The following PCDH15 variants were observed in gnomAD, a reference collection of about 807,000 sequenced individuals.
PCDH15 encodes protocadherin-15.
In PCDH15, 129 loss-of-function variants were observed where a neutral mutation model predicts 178.5. That is an observed-to-expected ratio of 0.72 (90% CI 0.63 to 0.84). The LOEUF (loss-of-function observed/expected upper bound fraction) is 0.84. Ranked by LOEUF, PCDH15 falls within the 40% of genes least tolerant of loss-of-function variation. The pLI is 0.00. For missense variants in PCDH15, 2,230 were observed against 2,099.9 expected (o/e 1.06, Z -1.21); for synonymous variants, 800 against 732.0 (o/e 1.09, Z -1.50).
At chr10:54,272,855 T>A (rs2058127196) in intron 8 of PCDH15, among the ~76,000 whole-genome samples, 1 of 152,158 alleles carries the variant, frequency 6.6e-6, no homozygotes, top group African/African-American at 2.4e-5. Flanking sequence ...CATTTTTAAA[T>A]GTAAAATGTT....
At chr10:54,261,690 A>G (rs1187845563) in intron 8 of PCDH15, among the ~76,000 whole-genome samples, 1 of 74,428 alleles carries the variant, frequency 1.3e-5, no homozygotes, top group African/African-American at 4.4e-5. Context: ...TCTATTTTTT[A>G]TAATATAAAG....
intron 2 of PCDH15, among the ~76,000 whole-genome samples, chr10:55,564,863 TATAA>T (rs997508637): frequency 6.6e-6 from 1 of 151,682 alleles, no homozygotes; most frequent in African/African-American, 2.4e-5. Flanking sequence ...GAAATTTTGA[TATAA>T]ATGAAGGAAA....
At chr10:54,401,997 G>T (rs918347377) in intron 3 of PCDH15, among the ~76,000 whole-genome samples, 1 of 151,660 alleles carries the variant, frequency 6.6e-6, no homozygotes. Context: ...AATACTTAAT[G>T]AATTTATTTA....
At chr10:54,995,391 CA>C (rs10631856) in intron 2 of PCDH15, among the ~76,000 whole-genome samples, 75,510 of 125,398 alleles carry the variant, frequency 0.6, 22,678 homozygotes, top group Middle Eastern at 0.73. Context: ...GACTCCGTCT[CA>C]AAAAAAAAAA....
intron 2 of PCDH15, among the ~76,000 whole-genome samples, chr10:55,166,172 A>G (rs534734474): frequency 6.6e-6 from 1 of 152,214 alleles, no homozygotes; most frequent in African/African-American, 2.4e-5. Flanking sequence ...ACAAAGTTCA[A>G]AAAGAGCCAT....
intron 2 of PCDH15, among the ~76,000 whole-genome samples, chr10:55,334,242 ATG>A (rs1208145029): frequency 0.023 from 1,651 of 72,034 alleles, 35 homozygotes; most frequent in East Asian, 0.039. Context: ...ATATATATAT[ATG>A]TGTGTGTGTG....
At chr10:54,066,966 T>A in intron 17 of PCDH15, 81 bp from the exon 18 acceptor site, 1 of 1,407,536 alleles carries the variant, frequency 7.1e-7, no homozygotes, top group Non-Finnish European at 1.0e-6. Context: ...CTGGCATTTG[T>A]CTATCTGAAA....
At chr10:55,520,060 A>T (rs1565217516) in intron 2 of PCDH15, among the ~76,000 whole-genome samples, 1 of 145,728 alleles carries the variant, frequency 6.9e-6, no homozygotes, top group Non-Finnish European at 1.5e-5. Context: ...ATATATATAC[A>T]TATATATGGC....
intron 35 of PCDH15, among the ~76,000 whole-genome samples, chr10:53,814,294 C>G (rs564644199): frequency 2.8e-4 from 42 of 152,132 alleles, no homozygotes; most frequent in Middle Eastern, 3.4e-3. Flanking sequence ...TAGTAAGAAA[C>G]ACGAAATAAA....
chr10:54,086,028 A>AT (rs780286489), intron 16 of PCDH15, among the ~76,000 whole-genome samples: 1 of 152,080 alleles, frequency 6.6e-6, no homozygotes, highest in South Asian at 2.1e-4. Context: ...AACATTGTTT[A>AT]TTTTTTTAGC....
intron 21 of PCDH15, among the ~76,000 whole-genome samples, chr10:53,964,463 A>ATTTTTATAAAATTTTATTTATTCATAAAT (rs1564876732): frequency 2.8e-4 from 41 of 147,736 alleles, no homozygotes; most frequent in African/African-American, 9.8e-4. Flanking sequence ...TATTCATAAA[A>ATTTTTATAAAATTTTATTTATTCATAAAT]TTTTTATAAA....
At chr10:54,689,720 T>C (rs539361406) in intron 1 of PCDH15, among the ~76,000 whole-genome samples, 2 of 152,210 alleles carry the variant, frequency 1.3e-5, no homozygotes, top group Non-Finnish European at 2.9e-5. Flanking sequence ...CAGAAGGCAG[T>C]GAAGACATGA....
At chr10:55,573,026 T>C (rs1453018196) in intron 2 of PCDH15, among the ~76,000 whole-genome samples, 1 of 151,978 alleles carries the variant, frequency 6.6e-6, no homozygotes, top group Non-Finnish European at 1.5e-5. Context: ...TATTAGACAA[T>C]GTGACAAGAA....
intron 2 of PCDH15, among the ~76,000 whole-genome samples, chr10:55,371,206 A>C (rs1393485309): frequency 1.3e-5 from 2 of 152,122 alleles, no homozygotes; most frequent in African/African-American, 4.8e-5. Context: ...CAGAGAAGTT[A>C]ATTATAGGGA....
At chr10:54,947,251 C>T (rs1838220190) in intron 2 of PCDH15, among the ~76,000 whole-genome samples, 1 of 151,840 alleles carries the variant, frequency 6.6e-6, no homozygotes, top group Non-Finnish European at 1.5e-5. Context: ...CTCATTTAGT[C>T]CCTTTAGAAG....
intron 2 of PCDH15, among the ~76,000 whole-genome samples, chr10:54,914,004 G>A (rs1954862155): frequency 6.6e-6 from 1 of 152,124 alleles, no homozygotes; most frequent in South Asian, 2.1e-4. Flanking sequence ...TGTCTCATAT[G>A]AGACTTTAGA....
chr10:54,702,296 GC>G (rs1162627126), intron 1 of PCDH15, among the ~76,000 whole-genome samples: 3 of 151,826 alleles, frequency 2.0e-5, no homozygotes, highest in Non-Finnish European at 2.9e-5. Flanking sequence ...CTAGGACACA[GC>G]TAAAGCAGTG....
intron 25 of PCDH15, among the ~76,000 whole-genome samples, chr10:53,917,168 C>T (rs2083595995): frequency 6.6e-6 from 1 of 152,090 alleles, no homozygotes; most frequent in Admixed American, 6.6e-5. Flanking sequence ...CTTTTGTTTA[C>T]ACAAGACCAC....
intron 26 of PCDH15, among the ~76,000 whole-genome samples, chr10:53,892,132 C>A (rs377719230): frequency 6.9e-6 from 1 of 145,026 alleles, no homozygotes; most frequent in Non-Finnish European, 1.5e-5. Context: ...TCAAGCAATT[C>A]TCCTGCCTCA....
Sources: allele counts gnomAD v4.1 joint callset (sites outside exome capture counted in the v4.1 genomes callset), GRCh38; gene constraint gnomAD v4.1.1; transcripts MANE v1.5; gene names NCBI Gene and HGNC (gene_info 2026-07-23, HGNC 2026-07-21).